TP63: variants seen among roughly 807,000 people sequenced by gnomAD.
TP63 encodes the protein tumor protein p63, also known as tumor protein 63.
In TP63, 17 loss-of-function variants were observed where a neutral mutation model predicts 82.8. The observed-to-expected ratio is 0.21, with a 90% CI of 0.14 to 0.31. The LOEUF is 0.31. Among genes scored for constraint, TP63 ranks in the 10% least tolerant of loss-of-function variants. The pLI is 1.00. For synonymous variants in TP63, 330 were observed against 321.7 expected, an observed-to-expected ratio of 1.03 and a Z score of -0.28; for missense variants, 648 against 895.3, an observed-to-expected ratio of 0.72 and a Z score of 3.52.
Position 189,646,328 on chromosome 3 carries a change from C to T in TP63, c.62+14751C>T, listed in dbSNP as rs186905433. On this transcript the variant is annotated intron_variant, in intron 1 of 13. Transcript: ENST00000264731. The stretch of plus-strand genomic sequence containing the variant: ...GTCTTCTCTGTAGGTGTAGGGTATG[C>T]GTTTTACAAATGCATAGGAAGTGAC... Among the ~76,000 whole-genome samples, 30 of 146,526 alleles carry T rather than the reference C, an allele frequency of 2.0e-4. 4 individuals carry two copies. The highest frequency in any genetic ancestry group is 6.9e-4 in the African/African-American group (27 of 39,120).
At chr3:189,667,897 T>G (rs1714540662) in intron 1 of TP63, among the ~76,000 whole-genome samples, 1 of 152,052 alleles carries the variant, frequency 6.6e-6, no homozygotes, top group South Asian at 2.1e-4. Flanking sequence ...AATACATAAA[T>G]AAATAGGTGT....
At chr3:189,849,765 C>T (rs77807828) in intron 4 of TP63, among the ~76,000 whole-genome samples, 3 of 152,072 alleles carry the variant, frequency 2.0e-5, no homozygotes, top group East Asian at 1.9e-4. Context: ...GCATGAAGCG[C>T]GTGCTCAATA....
intron 1 of TP63, among the ~76,000 whole-genome samples, chr3:189,691,359 A>G (rs1471584950): frequency 1.4e-5 from 2 of 146,514 alleles, no homozygotes; most frequent in Non-Finnish European, 3.0e-5. Context: ...AAAAAAAAAA[A>G]AGAAAAAGAA....
upstream of TP63, among the ~76,000 whole-genome samples, chr3:189,630,750 C>T (rs998856873): frequency 5.3e-5 from 8 of 151,798 alleles, no homozygotes; most frequent in African/African-American, 1.2e-4. Flanking sequence ...TTCTTTTATT[C>T]GGGTCAGGCA....
At chr3:189,722,779 G>A (rs1577304419) in intron 1 of TP63, among the ~76,000 whole-genome samples, 1 of 152,190 alleles carries the variant, frequency 6.6e-6, no homozygotes, top group Admixed American at 6.5e-5. Context: ...CATGCAGTAT[G>A]TGTTATATTA....
At chr3:189,814,934 A>G (rs1371837230) in intron 4 of TP63, among the ~76,000 whole-genome samples, 1 of 152,214 alleles carries the variant, frequency 6.6e-6, no homozygotes, top group African/African-American at 2.4e-5. Flanking sequence ...ATTGCATGTG[A>G]ACATTATAAA....
chr3:189,883,889 A>G (rs1461552700), intron 10 of TP63, among the ~76,000 whole-genome samples: 1 of 151,982 alleles, frequency 6.6e-6, no homozygotes, highest in Non-Finnish European at 1.5e-5. Context: ...TAAAGAAAGC[A>G]GGAGGTTGTA....
intron 4 of TP63, among the ~76,000 whole-genome samples, chr3:189,848,116 C>T (rs565318961): frequency 8.5e-5 from 13 of 152,284 alleles, no homozygotes; most frequent in African/African-American, 3.1e-4. Context: ...CTTCTCCTTT[C>T]TGGGGCTTAG....
intron 13 of TP63, among the ~76,000 whole-genome samples, chr3:189,892,857 G>T (rs540016082): frequency 1.3e-5 from 2 of 152,234 alleles, no homozygotes; most frequent in Non-Finnish European, 1.5e-5. Context: ...GTATTCTTCT[G>T]CTACAGTAAG....
chr3:189,705,223 C>G (rs1345996269), intron 1 of TP63, among the ~76,000 whole-genome samples: 2 of 152,218 alleles, frequency 1.3e-5, no homozygotes, highest in African/African-American at 4.8e-5. Flanking sequence ...CTCAGCTCTT[C>G]TTACTGGATG....
chr3:189,849,626 TTTTGC>T (rs1322733679), intron 4 of TP63, among the ~76,000 whole-genome samples: 1 of 152,134 alleles, frequency 6.6e-6, no homozygotes, highest in Non-Finnish European at 1.5e-5. Flanking sequence ...CCTTCTCTCC[TTTTGC>T]TTTTTTTTCA....
chr3:189,858,960 A>AG, intron 4 of TP63, among the ~76,000 whole-genome samples: 1 of 152,280 alleles, frequency 6.6e-6, no homozygotes, highest in South Asian at 2.1e-4. Context: ...CCAGAGGCTG[A>AG]GAAGGGGACA....
chr3:189,701,247 A>G (rs1368172538), intron 1 of TP63, among the ~76,000 whole-genome samples: 1 of 152,080 alleles, frequency 6.6e-6, no homozygotes, highest in Non-Finnish European at 1.5e-5. Flanking sequence ...CGTGCTCCTC[A>G]AGAATTATCT....
intron 3 of TP63, among the ~76,000 whole-genome samples, chr3:189,776,182 C>T (rs867855696): frequency 6.6e-6 from 1 of 152,126 alleles, no homozygotes; most frequent in African/African-American, 2.4e-5. Context: ...AAAATAAAAA[C>T]GTGTGGTTAT....
intron 3 of TP63, among the ~76,000 whole-genome samples, chr3:189,785,538 C>G (rs943982118): frequency 6.6e-6 from 1 of 151,914 alleles, no homozygotes; most frequent in African/African-American, 2.4e-5. Context: ...ATTCTCACAT[C>G]GGTAGGCTTT....
intron 4 of TP63, among the ~76,000 whole-genome samples, chr3:189,850,189 G>A (rs530060315): frequency 1.3e-5 from 2 of 152,200 alleles, no homozygotes; most frequent in South Asian, 2.1e-4. Flanking sequence ...GGCTGAGGCA[G>A]GTGAATTGCT....
chr3:189,755,911 T>G (rs1722154521), intron 3 of TP63, among the ~76,000 whole-genome samples: 1 of 152,096 alleles, frequency 6.6e-6, no homozygotes. Flanking sequence ...TACCTTTGAT[T>G]GTGGTCTATG....
rs371123169 is a variant in TP63, at chr3:189,720,570, A to G, written c.63-17170A>G. Among the ~76,000 whole-genome samples, 14 of 151,984 alleles carry G rather than the reference A, an allele frequency of 9.2e-5. 1 individual carries two copies. The highest frequency in any genetic ancestry group is 6.6e-4 in the Admixed American group (10 of 15,258). ...GTCAACATGGAGAAACCCCGTCTCT[A>G]CGAAAAATACAAAATTAGCCGGGCG... On this transcript the variant is annotated intron_variant, in intron 1 of 13. Transcript: ENST00000264731.
At chr3:189,609,759 A>G in the TP63 span, among the ~76,000 whole-genome samples, 1 of 152,080 alleles carries the variant, frequency 6.6e-6, no homozygotes, top group African/African-American at 2.4e-5. Flanking sequence ...TATGTACCAC[A>G]TTTTCTTTAT....
Sources: gnomAD v4.1 joint callset for allele counts (sites outside exome capture counted in the v4.1 genomes callset) on GRCh38, gnomAD v4.1.1 for gene constraint, MANE v1.5 for transcripts, NCBI Gene and HGNC (gene_info 2026-07-23, HGNC 2026-07-21) for gene names.